Variants in PAK4 observed in about 807,000 individuals in gnomAD.
PAK4 encodes the protein serine/threonine-protein kinase PAK 4.
A neutral mutation model predicts 53.5 loss-of-function variants in PAK4; 49 were observed. That is an observed-to-expected ratio of 0.92 (90% confidence interval 0.73 to 1.16). PAK4 has a LOEUF of 1.16. Ranked by LOEUF, PAK4 falls within the 50% of genes most tolerant of loss-of-function variation. The pLI, the probability that PAK4 is intolerant of heterozygous loss-of-function variation, is 0.00. For synonymous variants in PAK4, 376 were observed against 375.6 expected, an observed-to-expected ratio of 1.00 and a Z score of -0.01; for missense variants, 824 against 850.7, an observed-to-expected ratio of 0.97 and a Z score of 0.39.
At chr19:39,127,590 A>T (rs974372302) in intron 1 of PAK4, among the ~76,000 whole-genome samples, 1 of 151,986 alleles carries the variant, frequency 6.6e-6, no homozygotes, top group African/African-American at 2.4e-5. Flanking sequence ...CTGGGGGTTG[A>T]CTGTTGGGCA....
At chr19:39,127,721 T>C (rs1262505283) in intron 1 of PAK4, among the ~76,000 whole-genome samples, 1 of 152,148 alleles carries the variant, frequency 6.6e-6, no homozygotes, top group Admixed American at 6.5e-5. Context: ...GACACAAGAC[T>C]GCGTCTCTGC....
At chr19:39,141,314 A>G (rs1242438446) in intron 1 of PAK4, among the ~76,000 whole-genome samples, 1 of 146,920 alleles carries the variant, frequency 6.8e-6, no homozygotes, top group African/African-American at 2.5e-5. Context: ...CAGTTGTCTT[A>G]TAATCCTTTT....
intron 1 of PAK4, among the ~76,000 whole-genome samples, chr19:39,135,971 T>C (rs1054239517): frequency 2.7e-5 from 4 of 150,372 alleles, no homozygotes; most frequent in African/African-American, 9.8e-5. Context: ...TGCTGCGGGC[T>C]CCTCTTCCTT....
chr19:39,128,844 C>A (rs1328068924), intron 1 of PAK4, among the ~76,000 whole-genome samples: 1 of 152,198 alleles, frequency 6.6e-6, no homozygotes, highest in Non-Finnish European at 1.5e-5. Flanking sequence ...AGCTCTTGCC[C>A]CTGGCTGCAC....
intron 1 of PAK4, among the ~76,000 whole-genome samples, chr19:39,166,592 C>G (rs1372345511): frequency 6.6e-6 from 1 of 152,240 alleles, no homozygotes; most frequent in Non-Finnish European, 1.5e-5. Context: ...TTCACAGACA[C>G]AGAAAGTGAG....
intron 1 of PAK4, among the ~76,000 whole-genome samples, chr19:39,139,355 C>A (rs919382628): frequency 6.6e-6 from 1 of 152,116 alleles, no homozygotes; most frequent in South Asian, 2.1e-4. Context: ...TGAGCTGGGC[C>A]AGTGTCGGGG....
chr19:39,165,496 C>A (rs1488684429), intron 1 of PAK4, among the ~76,000 whole-genome samples: 2 of 148,610 alleles, frequency 1.3e-5, no homozygotes, highest in East Asian at 2.0e-4. Context: ...GCCTGGGCGA[C>A]AGAGCAAGAC....
At chr19:39,135,476 C>T (rs1278140201) in intron 1 of PAK4, among the ~76,000 whole-genome samples, 2 of 151,978 alleles carry the variant, frequency 1.3e-5, no homozygotes, top group Non-Finnish European at 2.9e-5. Context: ...GCTGGGATTA[C>T]AGGCATGTGC....
intron 1 of PAK4, among the ~76,000 whole-genome samples, chr19:39,159,081 A>G (rs926637837): frequency 3.3e-5 from 5 of 152,054 alleles, no homozygotes; most frequent in African/African-American, 1.2e-4. Context: ...AGGGACTATC[A>G]CTACCCCCAG....
intron 1 of PAK4, among the ~76,000 whole-genome samples, chr19:39,164,003 C>G (rs932570221): frequency 2.0e-5 from 3 of 152,098 alleles, no homozygotes; most frequent in African/African-American, 4.8e-5. Context: ...ATGGCTGGGC[C>G]CGGTGGCTCA....
chr19:39,149,788 G>A (rs181360762), intron 1 of PAK4, among the ~76,000 whole-genome samples: 12 of 152,230 alleles, frequency 7.9e-5, no homozygotes, highest in East Asian at 7.7e-4. Context: ...CCCGGGAGGC[G>A]GAGGTTGCAG....
rs144636460 is a variant in PAK4, at chr19:39,168,240, C to T, written c.-22-1292C>T. On this transcript the variant is annotated intron_variant, in intron 1 of 8. Transcript: ENST00000358301. ...CCTCTCATTTTACAGATGAGTAACC[C>T]GAAGCCCCTAGAGGAGTGGTCACCT... is the stretch of plus-strand genomic sequence containing the variant. The T allele has an allele frequency of 6.5e-3, 988 of 152,336 alleles. 13 individuals carry two copies. The highest frequency in any genetic ancestry group is 0.023 in the African/African-American group (944 of 41,554). 9.4% of individuals were successfully genotyped at this position (152,336 alleles called of 1,614,324 possible). A position where few individuals can be genotyped will look rare whatever the true frequency, so the allele number is the denominator to read the frequency against.
intron 4 of PAK4, among the ~76,000 whole-genome samples, 158 bp downstream of exon 5, chr19:39,174,168 G>T (rs1014644021): frequency 1.7e-4 from 25 of 150,620 alleles, no homozygotes; most frequent in Non-Finnish European, 1.5e-4. Flanking sequence ...GTCCGCCCCA[G>T]CTGGGTCCCT....
At chr19:39,181,965 CAAAT>C (rs2074704341), downstream of PAK4, 1 of 152,236 alleles carries the variant, frequency 6.6e-6, no homozygotes, top group East Asian at 1.9e-4. Context: ...ACTGGACACG[CAAAT>C]AAATCCCTGT....
Position 39,175,036 on chromosome 19 carries a change from G to T in PAK4, c.1204G>T (p.Ala402Ser). Residue 402 changes from alanine to serine, a missense_variant, in exon 5 of 9, where the codon GCC becomes TCC. Coordinates refer to ENST00000358301, the Ensembl canonical transcript of PAK4. The surrounding 1 kb of genome is among the most constrained non-coding windows in gnomAD (Gnocchi z 4.7). ...GGTCATGGAGTTCCTGGAAGGAGGC[G>T]CCCTCACCGACATCGTCACCCACAC... 2 of 1,613,372 alleles carry T rather than the reference G, an allele frequency of 1.2e-6. No homozygotes were observed. Among genetic ancestry groups the T allele is most frequent in the Non-Finnish European group, 1.7e-6 (2 of 1,179,700 alleles).
chr19:39,139,973 C>T (rs933874519), intron 1 of PAK4, among the ~76,000 whole-genome samples: 2 of 152,180 alleles, frequency 1.3e-5, no homozygotes, highest in Non-Finnish European at 2.9e-5. Flanking sequence ...AGTCACGGCA[C>T]GCTACGGGGA....
intron 1 of PAK4, among the ~76,000 whole-genome samples, chr19:39,138,650 G>A (rs897458909): frequency 6.6e-6 from 1 of 152,236 alleles, no homozygotes; most frequent in Non-Finnish European, 1.5e-5. Context: ...CCTCATGGCG[G>A]TGGCAGGAGG....
Position 39,173,644 on chromosome 19 carries a change from C to T in PAK4, c.732C>T (p.Ser244=). ...GCCTGGCCATCCCCCAGTCCTCCTCCTCCTCCTCCCGGCCTCCCACCCGAG... is the reference window on the plus strand; with the variant it reads ...GCCTGGCCATCCCCCAGTCCTCCTCTTCCTCCTCCCGGCCTCCCACCCGAG... The change falls in exon 4 of 9, where the codon TCC becomes TCT. Residue 244 remains serine, a synonymous_variant. Transcript: ENST00000358301. The surrounding 1 kb of genome is among the most constrained non-coding windows in gnomAD (Gnocchi z 6.9). 1 of 1,572,936 alleles carries T rather than the reference C, an allele frequency of 6.4e-7. No individual in the cohort carries two copies. The highest frequency in any genetic ancestry group is 1.4e-5 in the African/African-American group (1 of 74,014).
At chr19:39,155,777 A>G (rs1568511522) in intron 1 of PAK4, among the ~76,000 whole-genome samples, 1 of 152,096 alleles carries the variant, frequency 6.6e-6, no homozygotes, top group African/African-American at 2.4e-5. Flanking sequence ...CCCCTCGGGC[A>G]TCAAGTCACT....
Sources: gnomAD v4.1 joint callset for allele counts (sites outside exome capture counted in the v4.1 genomes callset) on GRCh38, gnomAD v4.1.1 for gene constraint, Gnocchi (gnomAD v3.1) non-coding constraint, MANE v1.5 for transcripts, NCBI Gene and HGNC (gene_info 2026-07-23, HGNC 2026-07-21) for gene names.